Variants in LRRC28 observed in about 807,000 individuals in gnomAD.
LRRC28 encodes the protein leucine-rich repeat-containing protein 28.
LRRC28 carries 39 observed loss-of-function variants against 45.7 expected under a neutral mutation model. That is an observed-to-expected ratio of 0.85 (90% confidence interval 0.66 to 1.12). LRRC28 has a LOEUF of 1.12. LRRC28 is among the 50% of genes most tolerant of loss of function. The pLI, the probability that LRRC28 is intolerant of heterozygous loss-of-function variation, is 0.00. For missense variants in LRRC28, 435 were observed against 438.5 expected (o/e 0.99, Z 0.07); for synonymous variants, 206 against 178.8 (o/e 1.15, Z -1.22).
intron 6 of LRRC28, 112 bp downstream of exon 6, chr15:99,334,241 C>G: frequency 8.1e-7 from 1 of 1,228,676 alleles, no homozygotes; most frequent in Non-Finnish European, 1.2e-6. Flanking sequence ...TTGACGATTG[C>G]TTCTCTAAGT....
intron 5 of LRRC28, among the ~76,000 whole-genome samples, chr15:99,306,817 G>C (rs1389808073): frequency 6.7e-6 from 1 of 149,972 alleles, no homozygotes; most frequent in Admixed American, 6.7e-5. Flanking sequence ...ACTTCAGGTT[G>C]GTCTGCAGCA....
rs74783616 is a variant in LRRC28, at chr15:99,347,797, G to T, written c.593-4572G>T. ...GTATCTCCTTTAGATATATACCCAG[G>T]AGAGGGATTGCTGAGTCATGTGGTA... On this transcript the variant is annotated intron_variant, in intron 6 of 9. Transcript: ENST00000301981. 6.6e-3 allele frequency among the ~76,000 whole-genome samples: 999 copies of T among 152,236 alleles called. 10 individuals are homozygous for T. The highest frequency in any genetic ancestry group is 0.023 in the African/African-American group (973 of 41,526).
intron 2 of LRRC28, chr15:99,258,338 A>G (rs2081088215): frequency 7.0e-7 from 1 of 1,423,882 alleles, no homozygotes; most frequent in African/African-American, 1.4e-5. Flanking sequence ...AAGAGGAAAC[A>G]CTCTAGGACG....
At position 99,363,249 on chromosome 15, in the gene LRRC28, G is replaced by T. The variant is rs1957255290; in HGVS notation, c.1015G>T (p.Ala339Ser). ...KLFPLRETPM[A>S]GLHQWKTTVS... is the part of the protein sequence containing the mutation. ...CTTTCCCTTGAGAGAGACGCCAATGGCAGGGCTGCACCAGTGGTAATCATG... is the reference window on the plus strand; with the variant it reads ...CTTTCCCTTGAGAGAGACGCCAATGTCAGGGCTGCACCAGTGGTAATCATG... Residue 339 changes from alanine (A) to serine (S), a missense_variant, in exon 9 of 10, where the codon GCA becomes TCA. By Grantham distance (99) the Ala-to-Ser change is moderately conservative (BLOSUM62 1). Transcript: ENST00000301981. 5 of 1,613,914 alleles carry T rather than the reference G, an allele frequency of 3.1e-6. No homozygotes were observed. Among genetic ancestry groups the T allele is most frequent in the Non-Finnish European group, 4.2e-6 (5 of 1,179,886 alleles).
At position 99,389,620 on chromosome 15, in the gene LRRC28, C is replaced by G. The variant is rs1383918854; in HGVS notation, c.*3518C>G. Reference sequence around the variant, plus strand: ...TTCATTTCACAGACTCATAAACACACTCTCTTTAAGACTCTTCTTTAAATG... The same window carrying G: ...TTCATTTCACAGACTCATAAACACAGTCTCTTTAAGACTCTTCTTTAAATG... On this transcript the variant is annotated 3_prime_UTR_variant, in exon 10 of 10. Transcript: ENST00000301981. 6.6e-6 allele frequency: 1 copy of G among 152,156 alleles called. No individual in the cohort carries two copies. Among genetic ancestry groups the G allele is most frequent in the African/African-American group, 2.4e-5 (1 of 41,432 alleles). 9.4% of individuals were successfully genotyped at this position (152,156 alleles called of 1,614,324 possible).
chr15:99,273,484 G>T (rs62023778), intron 2 of LRRC28, among the ~76,000 whole-genome samples: 11,898 of 150,188 alleles, frequency 0.079, 522 homozygotes, highest in African/African-American at 0.11. Context: ...TGATCTGCCC[G>T]CCTCGGCCTC....
Position 99,299,066 on chromosome 15 carries a change from T to C in LRRC28, c.385+11115T>C, listed in dbSNP as rs1452834006. On this transcript the variant is annotated intron_variant, in intron 5 of 9. Coordinates refer to ENST00000301981, the MANE Select transcript of LRRC28 (RefSeq NM_144598.5). The stretch of plus-strand genomic sequence containing the variant: ...ATTTTAGATGTGGCATGGAGTAATT[T>C]CTACCATACCGTTTGCTATCTTGGC... 4.6e-5 allele frequency among the ~76,000 whole-genome samples: 7 copies of C among 152,354 alleles called. No homozygotes were observed. In the South Asian group the frequency reaches 1.4e-3, roughly 32 times the overall value.
At position 99,388,173 on chromosome 15, in the gene LRRC28, G is replaced by A. The variant is rs1316124826; in HGVS notation, c.*2071G>A. ...AAGTTAGCTGGTGAAAATGTGGCAT[G>A]AAACTTCACAATTGTGCTTCAGGCC... On this transcript the variant is annotated 3_prime_UTR_variant, in exon 10 of 10. Transcript: ENST00000301981. 1 of 152,246 alleles carries A rather than the reference G, an allele frequency of 6.6e-6. No individual in the cohort carries two copies. Among genetic ancestry groups the A allele is most frequent in the African/African-American group, 2.4e-5 (1 of 41,460 alleles). The allele number at this position is 152,246 out of a possible 1,614,324, so 9.4% of individuals were successfully genotyped here.
At chr15:99,268,200 G>T (rs1353420091) in intron 2 of LRRC28, among the ~76,000 whole-genome samples, 1 of 152,286 alleles carries the variant, frequency 6.6e-6, no homozygotes, top group South Asian at 2.1e-4. Flanking sequence ...TGCATGTTAA[G>T]TGAATTTTCC....
chr15:99,316,950 C>T (rs1955616501), intron 5 of LRRC28, among the ~76,000 whole-genome samples: 1 of 151,480 alleles, frequency 6.6e-6, no homozygotes, highest in Non-Finnish European at 1.5e-5. Context: ...CAATCCTTCT[C>T]CTTGGCCTCC....
In LRRC28 at chr15:99,258,086, A is replaced by T. The variant is rs559686222; in HGVS notation, c.168+1961A>T. 2.0e-5 allele frequency: 31 copies of T among 1,535,964 alleles called. No homozygotes were observed. In the East Asian group the frequency reaches 6.7e-4, roughly 33 times the overall value. ...CACAGACACTGGTGTAGGAATGACC[A>T]GAGAAGAGTTGGTTAAAAACCTTGG... is the stretch of plus-strand genomic sequence containing the variant. On this transcript the variant is annotated intron_variant, in intron 2 of 9. Transcript: ENST00000301981.
At chr15:99,325,800 C>T (rs1955954694) in intron 5 of LRRC28, among the ~76,000 whole-genome samples, 1 of 152,170 alleles carries the variant, frequency 6.6e-6, no homozygotes. Context: ...GATCTGGAGA[C>T]CATGTTGCTA....
At chr15:99,352,541 C>T (rs114751153) in intron 7 of LRRC28, 70 bp downstream of exon 7, 2 of 1,309,852 alleles carry the variant, frequency 1.5e-6, no homozygotes, top group African/African-American at 1.5e-5. Context: ...TCAATTTTGT[C>T]TTTGCCCTTG....
At chr15:99,308,702 T>A (rs1955286124) in intron 5 of LRRC28, among the ~76,000 whole-genome samples, 1 of 152,116 alleles carries the variant, frequency 6.6e-6, no homozygotes, top group South Asian at 2.1e-4. Flanking sequence ...TAAATAATCA[T>A]GTACTAGCTT....
Position 99,388,296 on chromosome 15 carries a change from A to C in LRRC28, c.*2194A>C, listed in dbSNP as rs1958088729. ...CATATGTCATGGAATGGAGCTATGA[A>C]ATGTGCTAACTTGGTATTCAGGATT... On this transcript the variant is annotated 3_prime_UTR_variant, in exon 10 of 10. Coordinates refer to ENST00000301981, the MANE Select transcript of LRRC28 (RefSeq NM_144598.5). The C allele has an allele frequency of 6.6e-6, 1 of 152,264 alleles. No individual in the cohort carries two copies. Among genetic ancestry groups the C allele is most frequent in the African/African-American group, 2.4e-5 (1 of 41,464 alleles). 9.4% of individuals were successfully genotyped at this position (152,264 alleles called of 1,614,324 possible).
intron 5 of LRRC28, among the ~76,000 whole-genome samples, chr15:99,299,930 A>G (rs2082354358): frequency 6.6e-6 from 1 of 152,200 alleles, no homozygotes; most frequent in African/African-American, 2.4e-5. Flanking sequence ...TATGCTTATA[A>G]CAAATATCAC....
chr15:99,271,302 A>C (rs1482892375), intron 2 of LRRC28, among the ~76,000 whole-genome samples: 1 of 145,338 alleles, frequency 6.9e-6, no homozygotes, highest in South Asian at 2.2e-4. Flanking sequence ...TTTTTTTGAG[A>C]TGAGTCTCAT....
intron 3 of LRRC28, among the ~76,000 whole-genome samples, chr15:99,284,132 G>A (rs1326483753): frequency 2.0e-5 from 3 of 152,174 alleles, no homozygotes. Flanking sequence ...CCCGCTCTCT[G>A]ATCCACTTTA....
intron 9 of LRRC28, among the ~76,000 whole-genome samples, chr15:99,371,341 G>A (rs745517740): frequency 2.7e-4 from 41 of 152,224 alleles, no homozygotes; most frequent in Non-Finnish European, 5.0e-4. Context: ...GGAATTCTTG[G>A]TCTTCTGGGC....
Sources: gnomAD v4.1 joint callset for allele counts (sites outside exome capture counted in the v4.1 genomes callset) on GRCh38, gnomAD v4.1.1 for gene constraint, MANE v1.5 for transcripts, NCBI Gene and HGNC (gene_info 2026-07-23, HGNC 2026-07-21) for gene names.